PCDHA6: variants seen among roughly 807,000 people sequenced by gnomAD.
PCDHA6 encodes protocadherin alpha-6.
Under a neutral mutation model 60.3 loss-of-function variants are expected in PCDHA6, and 55 were observed. That is an observed-to-expected ratio of 0.91 (90% CI 0.73 to 1.14). The LOEUF is 1.14. Among genes scored for constraint, PCDHA6 ranks in the 50% most tolerant of loss-of-function variants. PCDHA6 has a pLI of 0.00. For synonymous variants in PCDHA6, 652 were observed against 557.9 expected (o/e 1.17, Z -2.38); for missense variants, 1,327 against 1,256.5 (o/e 1.06, Z -0.85).
At chr5:140,858,625 T>A (rs2045528405) in intron 1 of PCDHA6, 1 of 1,095,156 alleles carries the variant, frequency 9.1e-7, no homozygotes, top group South Asian at 1.7e-5. Flanking sequence ...CTACCCAGTG[T>A]GTCAGCCTTT....
intron 3 of PCDHA6, among the ~76,000 whole-genome samples, chr5:140,998,105 A>G (rs1554256162): frequency 6.6e-6 from 1 of 152,204 alleles, no homozygotes; most frequent in African/African-American, 2.4e-5. Context: ...CAAACAGAGG[A>G]GAAAATTTAC....
intron 3 of PCDHA6, among the ~76,000 whole-genome samples, chr5:141,007,388 TAAAATAC>T (rs1451350698): frequency 1.5e-5 from 1 of 67,196 alleles, no homozygotes; most frequent in Non-Finnish European, 2.7e-5. Context: ...CCATCTCTAC[TAAAATAC>T]AAAAAAAAAA....
Position 140,871,296 on chromosome 5 carries a change from C to A in PCDHA6, c.2394+40811C>A. ...CGGCAACGCCCACTGAGGGCGCGTG[C>A]GCGCCGGGGAAGCCCACGCTGGTGT... On this transcript the variant is annotated intron_variant, in intron 1 of 3. Coordinates refer to ENST00000529310, the MANE Select transcript of PCDHA6 (RefSeq NM_018909.4). 7 of 1,613,892 alleles carry A rather than the reference C, an allele frequency of 4.3e-6. No homozygotes were observed. The South Asian group carries it at 4.4e-5, about 10-fold the overall frequency.
chr5:141,010,470 G>A lies in PCDHA6; in HGVS notation c.*533G>A. ...ACAGCGGAAGTTATCAGTATGGAGG[G>A]GAAGTGTAAACTTAAAGGGACCAGA... On this transcript the variant is annotated 3_prime_UTR_variant, in exon 4 of 4. Transcript: ENST00000529310. The A allele has an allele frequency of 2.6e-6, 2 of 780,290 alleles. No homozygotes were observed. The highest frequency in any genetic ancestry group is 3.0e-5 in the East Asian group (1 of 33,872). 48.3% of individuals were successfully genotyped at this position (780,290 alleles called of 1,614,324 possible).
At position 140,851,269 on chromosome 5, in the gene PCDHA6, T is replaced by C. The variant is rs1035284960; in HGVS notation, c.2394+20784T>C. ...GATGCATAGTATTTTAGTCTACTTG[T>C]ATTGTTTATAAGAAACCCAAGCAAA... is the stretch of plus-strand genomic sequence containing the variant. On this transcript the variant is annotated intron_variant, in intron 1 of 3. Transcript: ENST00000529310. 2.6e-5 allele frequency: 28 copies of C among 1,066,570 alleles called. No homozygotes were observed. In the South Asian group the frequency reaches 9.7e-4, roughly 37 times the overall value. The allele number at this position is 1,066,570 out of a possible 1,614,324, so 66.1% of individuals were successfully genotyped here. A position where few individuals can be genotyped will look rare whatever the true frequency, so the allele number is the denominator to read the frequency against.
At chr5:140,965,880 A>G (rs1414604415) in intron 1 of PCDHA6, among the ~76,000 whole-genome samples, 1 of 152,190 alleles carries the variant, frequency 6.6e-6, no homozygotes, top group Non-Finnish European at 1.5e-5. Context: ...CTTGGCCGAG[A>G]GCAGAATTGA....
chr5:140,876,718 G>C, intron 1 of PCDHA6: 1 of 1,614,242 alleles, frequency 6.2e-7, no homozygotes, highest in Non-Finnish European at 8.5e-7. Context: ...CCTGGACCGC[G>C]AGAGCGTGTC....
intron 3 of PCDHA6, among the ~76,000 whole-genome samples, chr5:140,987,298 G>A (rs2097247103): frequency 6.6e-6 from 1 of 152,086 alleles, no homozygotes; most frequent in South Asian, 2.1e-4. Context: ...AGCCTTCTAT[G>A]TGATACCAAT....
intron 1 of PCDHA6, among the ~76,000 whole-genome samples, chr5:140,879,613 T>C (rs2058057940): frequency 6.6e-6 from 1 of 152,200 alleles, no homozygotes; most frequent in Non-Finnish European, 1.5e-5. Context: ...TGTGTCCAGG[T>C]ACTTAGGTGG....
chr5:140,871,582 GT>G, intron 1 of PCDHA6: 2 of 1,468,826 alleles, frequency 1.4e-6, no homozygotes, highest in Non-Finnish European at 1.8e-6. Flanking sequence ...TTAAGGGAAA[GT>G]TTTATGAATA....
At chr5:140,966,731 G>C (rs2096045524) in intron 1 of PCDHA6, 3 of 1,405,020 alleles carry the variant, frequency 2.1e-6, no homozygotes, top group Non-Finnish European at 2.8e-6. Flanking sequence ...TGCCGCCTCC[G>C]GCCCTGCCCG....
chr5:140,932,373 A>T (rs927239233), intron 1 of PCDHA6, among the ~76,000 whole-genome samples: 1 of 151,942 alleles, frequency 6.6e-6, no homozygotes, highest in Non-Finnish European at 1.5e-5. Flanking sequence ...AAATTTCCAC[A>T]TGAAAGTTAT....
chr5:141,009,724 T>C lies in PCDHA6; in HGVS notation c.2640T>C (p.Gly880=). ...KYGPGNPKQS[G]PGELPDKFII... The stretch of plus-strand genomic sequence containing the variant: ...GACCAGGCAACCCCAAACAATCCGG[T>C]CCCGGTGAGTTGCCCGACAAATTCA... Residue 880 remains glycine, a synonymous_variant, in exon 4 of 4, where the codon GGT becomes GGC. Transcript: ENST00000529310. 6.2e-7 allele frequency: 1 copy of C among 1,614,116 alleles called. No individual in the cohort carries two copies. Among genetic ancestry groups the C allele is most frequent in the South Asian group, 1.1e-5 (1 of 91,062 alleles).
At chr5:140,968,020 C>G (rs1554230190) in intron 1 of PCDHA6, 1 of 1,614,202 alleles carries the variant, frequency 6.2e-7, no homozygotes, top group Non-Finnish European at 8.5e-7. Context: ...TTGGAAACTC[C>G]TATACACTGG....
At chr5:140,941,299 TC>T (rs1554214293) in intron 1 of PCDHA6, among the ~76,000 whole-genome samples, 2 of 144,342 alleles carry the variant, frequency 1.4e-5, no homozygotes, top group African/African-American at 2.5e-5. Context: ...TTTCTTTCTT[TC>T]TTTCTTTTTC....
At chr5:140,956,890 G>T (rs2095318198) in intron 1 of PCDHA6, among the ~76,000 whole-genome samples, 3 of 152,136 alleles carry the variant, frequency 2.0e-5, no homozygotes, top group Non-Finnish European at 4.4e-5. Context: ...ATCAATGAAT[G>T]AATATTCTTA....
chr5:140,828,469 T>C lies in PCDHA6; in HGVS notation c.378T>C (p.Ile126=). The change falls in exon 1 of 4, where the codon ATT becomes ATC. Residue 126 remains isoleucine, a synonymous_variant. Coordinates refer to ENST00000529310, the MANE Select transcript of PCDHA6 (RefSeq NM_018909.4). ...ATGTGGACGTGGAGGTGAGGGACATTAACGACAACCCGCCCTTGTTCCCGG... is the reference window on the plus strand; with the variant it reads ...ATGTGGACGTGGAGGTGAGGGACATCAACGACAACCCGCCCTTGTTCCCGG... ...VFHVDVEVRD[I]NDNPPLFPVE... is the part of the protein sequence containing the mutation. The C allele has an allele frequency of 6.2e-7, 1 of 1,614,142 alleles. No homozygotes were observed. Among genetic ancestry groups the C allele is most frequent in the Non-Finnish European group, 8.5e-7 (1 of 1,180,034 alleles).
At chr5:140,920,069 G>C (rs527472900) in intron 1 of PCDHA6, among the ~76,000 whole-genome samples, 1 of 152,288 alleles carries the variant, frequency 6.6e-6, no homozygotes, top group Non-Finnish European at 1.5e-5. Context: ...GGAAAAGGCA[G>C]AAACAGATTC....
rs116160554 is a variant in PCDHA6, at chr5:140,845,319, C to A, written c.2394+14834C>A. Among the ~76,000 whole-genome samples the A allele has an allele frequency of 3.7e-3, 557 of 149,574 alleles. 34 individuals carry two copies. Among genetic ancestry groups the A allele is most frequent in the African/African-American group, 0.011 (448 of 40,946 alleles). ...ATGTCTACCTGGTTCTCAGGTATTA[C>A]TTTAATTACTGAATTCTCCTAAACA... On this transcript the variant is annotated intron_variant, in intron 1 of 3. Coordinates refer to ENST00000529310, the MANE Select transcript of PCDHA6 (RefSeq NM_018909.4).
Sources: gnomAD v4.1 joint callset for allele counts (sites outside exome capture counted in the v4.1 genomes callset) on GRCh38, gnomAD v4.1.1 for gene constraint, MANE v1.5 for transcripts, NCBI Gene and HGNC (gene_info 2026-07-23, HGNC 2026-07-21) for gene names.